R3HDM2: variants seen among roughly 807,000 people sequenced by gnomAD.
R3HDM2 encodes R3H domain-containing protein 2.
A neutral mutation model predicts 124.5 loss-of-function variants in R3HDM2; 38 were observed. That is an observed-to-expected ratio of 0.31 (90% CI 0.24 to 0.40). R3HDM2 has a LOEUF of 0.40. Among genes scored for constraint, R3HDM2 ranks in the 10% least tolerant of loss-of-function variants. The pLI is 1.00. For missense variants in R3HDM2, 869 were observed against 1,236.9 expected (o/e 0.70, Z 4.46); for synonymous variants, 391 against 448.0 (o/e 0.87, Z 1.61).
rs764862664 is a variant in R3HDM2 at position 57,266,713 on chromosome 12, A to G, written c.2131+18T>C. ...GCTCTTGTCAGTGCCCAAGACCCAC[A>G]GTTCCTTATCCTCTTACCTGAGTAC... On this transcript the variant is annotated intron_variant, in intron 19 of 23. Coordinates refer to ENST00000402412, the MANE Select transcript of R3HDM2 (RefSeq NM_001394031.1). The G allele has an allele frequency of 6.5e-7, 1 of 1,546,166 alleles. No individual in the cohort carries two copies. The highest frequency in any genetic ancestry group is 1.1e-5 in the South Asian group (1 of 89,188).
chr12:57,409,795 T>A (rs1009431240), intron 1 of R3HDM2, among the ~76,000 whole-genome samples: 3 of 152,060 alleles, frequency 2.0e-5, no homozygotes, highest in African/African-American at 7.2e-5. Flanking sequence ...ATTTACCCCA[T>A]AACCCCCTTC....
chr12:57,374,837 C>CA (rs1046045547), intron 2 of R3HDM2, among the ~76,000 whole-genome samples: 186 of 141,578 alleles, frequency 1.3e-3, no homozygotes, highest in African/African-American at 4.5e-3. Context: ...ACTAAAAATA[C>CA]AAAAAAAAAA....
At chr12:57,276,499 T>C (rs987738564) in intron 14 of R3HDM2, among the ~76,000 whole-genome samples, 2 of 152,200 alleles carry the variant, frequency 1.3e-5, no homozygotes, top group African/African-American at 2.4e-5. Context: ...TTGGAGACTA[T>C]TATTCTAAGT....
At chr12:57,267,963 G>A (rs557791377) in intron 18 of R3HDM2, among the ~76,000 whole-genome samples, 5 of 152,198 alleles carry the variant, frequency 3.3e-5, no homozygotes, top group South Asian at 4.2e-4. Context: ...AGAGGTACAC[G>A]GAAAAATTTA....
chr12:57,319,913 A>T (rs1236531848), intron 2 of R3HDM2, among the ~76,000 whole-genome samples: 1 of 152,150 alleles, frequency 6.6e-6, no homozygotes, highest in Non-Finnish European at 1.5e-5. Flanking sequence ...TGGGGCATAA[A>T]GATTCCTGGA....
intron 2 of R3HDM2, among the ~76,000 whole-genome samples, chr12:57,369,866 T>C (rs918278856): frequency 1.3e-5 from 2 of 152,188 alleles, no homozygotes; most frequent in Non-Finnish European, 2.9e-5. Flanking sequence ...AGTCAATTCA[T>C]TTCTTAGTTT....
At position 57,256,411 on chromosome 12, in the gene R3HDM2, T is replaced by C; in HGVS notation, c.2547+3A>G. On this transcript the variant is annotated splice_donor_region_variant and intron_variant, in intron 22 of 23. Transcript: ENST00000402412. The stretch of plus-strand genomic sequence containing the variant: ...CCCTACAGTTGCTGGTGGACACCCT[T>C]ACCTGGTGCACCGTGTAAGTTGACT... 1 of 1,573,022 alleles carries C rather than the reference T, an allele frequency of 6.4e-7. No individual in the cohort carries two copies. The highest frequency in any genetic ancestry group is 8.6e-7 in the Non-Finnish European group (1 of 1,156,478).
chr12:57,302,791 GAA>G (rs535562172), intron 4 of R3HDM2, among the ~76,000 whole-genome samples: 3 of 124,270 alleles, frequency 2.4e-5, no homozygotes, highest in Admixed American at 8.2e-5. Context: ...AACTCACAAG[GAA>G]AAAAAAAAAA....
At chr12:57,282,276 G>C (rs890406298) in intron 13 of R3HDM2, among the ~76,000 whole-genome samples, 1 of 145,870 alleles carries the variant, frequency 6.9e-6, no homozygotes, top group Admixed American at 7.0e-5. Context: ...GTGCCATTGC[G>C]TAACAAGAGC....
chr12:57,406,707 C>T (rs2068556810), intron 1 of R3HDM2, among the ~76,000 whole-genome samples: 3 of 152,170 alleles, frequency 2.0e-5, no homozygotes, highest in South Asian at 4.1e-4. Flanking sequence ...GATTAATAGA[C>T]ATCACATGCC....
Position 57,296,237 on chromosome 12 carries a change from C to T in R3HDM2, c.701+174G>A, listed in dbSNP as rs2049851016. 6.6e-6 allele frequency among the ~76,000 whole-genome samples: 1 copy of T among 151,476 alleles called. No homozygotes were observed. Among genetic ancestry groups the T allele is most frequent in the Non-Finnish European group, 1.5e-5 (1 of 67,876 alleles). ...CTTGCTGTGTTGACCAGGCTGGTCT[C>T]GAACTCCTGGCTTCAAGCAGTCTTC... On this transcript the variant is annotated intron_variant, in intron 9 of 23. Transcript: ENST00000402412. This position sits in a 1 kb window ranked among gnomAD's most constrained non-coding sequence, Gnocchi z 4.5.
At chr12:57,310,947 T>C (rs1593092347) in intron 2 of R3HDM2, among the ~76,000 whole-genome samples, 1 of 152,188 alleles carries the variant, frequency 6.6e-6, no homozygotes, top group Non-Finnish European at 1.5e-5. Context: ...AGTTCTAAAG[T>C]AGCATGAGCC....
intron 1 of R3HDM2, among the ~76,000 whole-genome samples, chr12:57,408,093 C>T (rs1259817011): frequency 6.6e-6 from 1 of 152,180 alleles, no homozygotes; most frequent in African/African-American, 2.4e-5. Flanking sequence ...CCACGCCCAG[C>T]TAGTTTTTAT....
chr12:57,407,075 C>T (rs1335535121), intron 1 of R3HDM2, among the ~76,000 whole-genome samples: 3 of 151,786 alleles, frequency 2.0e-5, no homozygotes, highest in Non-Finnish European at 4.4e-5. Context: ...ATGGTGAAAC[C>T]CCATCTCTAC....
At chr12:57,419,065 T>C (rs2069927166) in intron 1 of R3HDM2, among the ~76,000 whole-genome samples, 1 of 151,998 alleles carries the variant, frequency 6.6e-6, no homozygotes, top group Non-Finnish European at 1.5e-5. Context: ...AAGCCCACCA[T>C]AAAATCAGGC....
intron 2 of R3HDM2, among the ~76,000 whole-genome samples, chr12:57,372,183 T>C (rs1168302609): frequency 1.3e-5 from 2 of 152,090 alleles, no homozygotes; most frequent in African/African-American, 4.8e-5. Context: ...GGCCTGTTCT[T>C]ATATTATCTC....
chr12:57,420,041 T>G (rs1368110803), intron 1 of R3HDM2, among the ~76,000 whole-genome samples: 1 of 152,178 alleles, frequency 6.6e-6, no homozygotes, highest in Non-Finnish European at 1.5e-5. Context: ...TTCCTTTGTT[T>G]AGATACCAAA....
intron 4 of R3HDM2, among the ~76,000 whole-genome samples, chr12:57,302,791 G>T (rs1363734996): frequency 1.6e-5 from 2 of 124,318 alleles, no homozygotes; most frequent in African/African-American, 5.9e-5. Context: ...AACTCACAAG[G>T]AAAAAAAAAA....
intron 2 of R3HDM2, among the ~76,000 whole-genome samples, chr12:57,376,809 G>A (rs1209364952): frequency 1.3e-5 from 2 of 151,842 alleles, no homozygotes; most frequent in Non-Finnish European, 2.9e-5. Context: ...AAATTAGCCA[G>A]GTGTGGTGGC....
Sources: gnomAD v4.1 joint callset for allele counts (sites outside exome capture counted in the v4.1 genomes callset) on GRCh38, gnomAD v4.1.1 for gene constraint, Gnocchi (gnomAD v3.1) non-coding constraint, MANE v1.5 for transcripts, NCBI Gene and HGNC (gene_info 2026-07-23, HGNC 2026-07-21) for gene names.